Variants in FRMD4B observed in about 807,000 individuals in gnomAD.
FRMD4B encodes the protein FERM domain containing 4B.
In FRMD4B, 74 loss-of-function variants were observed where a neutral mutation model predicts 141.5. The observed-to-expected ratio is 0.52, with a 90% CI of 0.43 to 0.63. The LOEUF is 0.63. Among genes scored for constraint, FRMD4B ranks in the 30% least tolerant of loss-of-function variants. The pLI, the probability that FRMD4B is intolerant of heterozygous loss-of-function variation, is 0.00. For missense variants in FRMD4B, 1,366 were observed against 1,253.4 expected, an observed-to-expected ratio of 1.09 and a Z score of -1.36; for synonymous variants, 506 against 467.9, an observed-to-expected ratio of 1.08 and a Z score of -1.05.
At chr3:69,469,957 G>T (rs532769440) in intron 1 of FRMD4B, among the ~76,000 whole-genome samples, 3 of 152,250 alleles carry the variant, frequency 2.0e-5, no homozygotes, top group Admixed American at 6.5e-5. Context: ...CAGATTAACA[G>T]CAGTATAGCA....
intron 1 of FRMD4B, among the ~76,000 whole-genome samples, chr3:69,463,010 C>A (rs1016838297): frequency 1.3e-5 from 2 of 152,220 alleles, no homozygotes; most frequent in African/African-American, 2.4e-5. Flanking sequence ...CTCACACCTG[C>A]TTCCCTGGGA....
At chr3:69,242,994 C>CA (rs34623002) in intron 7 of FRMD4B, among the ~76,000 whole-genome samples, 75,526 of 111,606 alleles carry the variant, frequency 0.68, 25,482 homozygotes, top group South Asian at 0.84. Context: ...AACTCTGTCT[C>CA]AAAAAAAAAA....
At chr3:69,393,248 C>G (rs2106728905) in intron 2 of FRMD4B, among the ~76,000 whole-genome samples, 1 of 150,204 alleles carries the variant, frequency 6.7e-6, no homozygotes, top group East Asian at 2.0e-4. Context: ...TCTCATTTCC[C>G]TCATCTGTTA....
Position 69,168,960 on chromosome 3 carries a change from G to A in FRMD4B, c.*2901C>T, listed in dbSNP as rs73112276. On this transcript the variant is annotated 3_prime_UTR_variant, in exon 23 of 23. Transcript: ENST00000398540. ...TTTATGAGGTAGATCAGTATGTCTTGATACAGAGGCCCAAGATATATTAGG... is the reference window on the plus strand; with the variant it reads ...TTTATGAGGTAGATCAGTATGTCTTAATACAGAGGCCCAAGATATATTAGG... Among the ~76,000 whole-genome samples, 10,094 of 151,284 alleles carry A rather than the reference G, an allele frequency of 0.067. 447 individuals carry two copies. The highest frequency in any genetic ancestry group is 0.16 in the Middle Eastern group (47 of 294).
In FRMD4B at chr3:69,521,220, C is replaced by G. The variant is rs190890751; in HGVS notation, c.-129+20986G>C. 4.3e-3 allele frequency among the ~76,000 whole-genome samples: 651 copies of G among 152,276 alleles called. 6 individuals carry two copies. The highest frequency in any genetic ancestry group is 6.9e-3 in the Non-Finnish European group (470 of 68,020). On this transcript the variant is annotated intron_variant, in intron 1 of 5. Coordinates refer to the FRMD4B transcript ENST00000459638. ...ACCCACTATGGGGGTCTGGCCAGGC[C>G]CTACGACTGAGGAAGGTACTTTGAC...
chr3:69,281,742 T>G (rs2093645265), intron 5 of FRMD4B, among the ~76,000 whole-genome samples: 1 of 151,312 alleles, frequency 6.6e-6, no homozygotes, highest in Non-Finnish European at 1.5e-5. Flanking sequence ...GAGAATCGCT[T>G]GAACCCAGAA....
chr3:69,225,032 A>G (rs951050339), intron 7 of FRMD4B, among the ~76,000 whole-genome samples: 2 of 152,224 alleles, frequency 1.3e-5, no homozygotes, highest in African/African-American at 4.8e-5. Flanking sequence ...TTTAGTGGCT[A>G]CATAATATTC....
intron 1 of FRMD4B, among the ~76,000 whole-genome samples, chr3:69,331,369 G>A (rs6796768): frequency 0.054 from 8,214 of 152,176 alleles, 774 homozygotes; most frequent in African/African-American, 0.19. Context: ...CAGCCCCTGG[G>A]GAGTCAGACA....
chr3:69,290,689 A>G (rs771526701), intron 4 of FRMD4B, among the ~76,000 whole-genome samples: 2 of 152,188 alleles, frequency 1.3e-5, no homozygotes, highest in Middle Eastern at 3.2e-3. Flanking sequence ...GGTGCCTGCA[A>G]TGTGCTAAGT....
chr3:69,466,420 G>T (rs761660717), intron 1 of FRMD4B, among the ~76,000 whole-genome samples: 49 of 152,130 alleles, frequency 3.2e-4, no homozygotes, highest in South Asian at 6.2e-4. Flanking sequence ...ATTCTTAAAT[G>T]TTAAAGGTAT....
At chr3:69,437,538 T>C (rs1223998812) in intron 1 of FRMD4B, among the ~76,000 whole-genome samples, 2 of 144,036 alleles carry the variant, frequency 1.4e-5, no homozygotes, top group Non-Finnish European at 3.0e-5. Flanking sequence ...TATAATATAA[T>C]AAATATTAAT....
intron 7 of FRMD4B, among the ~76,000 whole-genome samples, chr3:69,247,458 G>C (rs2093432433): frequency 6.6e-6 from 1 of 152,154 alleles, no homozygotes; most frequent in African/African-American, 2.4e-5. Flanking sequence ...ATATTCCCAG[G>C]AAACGTGGCT....
At chr3:69,322,791 G>T (rs1349306119) in intron 1 of FRMD4B, among the ~76,000 whole-genome samples, 2 of 151,992 alleles carry the variant, frequency 1.3e-5, no homozygotes, top group East Asian at 3.9e-4. Context: ...TAGAGATGGG[G>T]TCTTGCTGTA....
chr3:69,245,867 C>T (rs141531819), intron 7 of FRMD4B, among the ~76,000 whole-genome samples: 3,027 of 97,460 alleles, frequency 0.031, 123 homozygotes, highest in African/African-American at 0.11. Context: ...GAGACAGTTT[C>T]ACTCTTGTTG....
At chr3:69,414,140 G>A (rs751127938) in intron 2 of FRMD4B, among the ~76,000 whole-genome samples, 10 of 152,258 alleles carry the variant, frequency 6.6e-5, no homozygotes, top group African/African-American at 9.6e-5. Flanking sequence ...GGGAGAGAGT[G>A]CTTCTAGAGG....
intron 10 of FRMD4B, among the ~76,000 whole-genome samples, chr3:69,217,783 C>G (rs1420331636): frequency 1.3e-5 from 2 of 152,144 alleles, no homozygotes; most frequent in Admixed American, 1.3e-4. Context: ...AAAATTATTT[C>G]TCTTCCAAAC....
Position 69,246,880 on chromosome 3 carries a change from C to G in FRMD4B, c.581+2346G>C, listed in dbSNP as rs567215541. 4.9e-4 allele frequency among the ~76,000 whole-genome samples: 75 copies of G among 152,320 alleles called. 1 individual carries two copies. The highest frequency in any genetic ancestry group is 8.5e-4 in the Non-Finnish European group (58 of 68,034). On this transcript the variant is annotated intron_variant, in intron 7 of 22. Coordinates refer to ENST00000398540, the MANE Select transcript of FRMD4B (RefSeq NM_015123.3). The stretch of plus-strand genomic sequence containing the variant: ...AGAATTAACTCGCCAACCTTGATGT[C>G]CTAGGGCTCAAATGTTTGAACAACT...
intron 1 of FRMD4B, among the ~76,000 whole-genome samples, chr3:69,500,032 G>C (rs536770158): frequency 1.3e-5 from 2 of 152,296 alleles, no homozygotes; most frequent in East Asian, 3.9e-4. Context: ...CGTGGTCAAG[G>C]ACATCTGAAC....
At chr3:69,466,774 A>G (rs1344651512) in intron 1 of FRMD4B, among the ~76,000 whole-genome samples, 3 of 152,130 alleles carry the variant, frequency 2.0e-5, no homozygotes, top group Admixed American at 2.0e-4. Flanking sequence ...ATGGCTCACT[A>G]TAGCTTTGAC....
Sources: gnomAD v4.1 joint callset for allele counts (sites outside exome capture counted in the v4.1 genomes callset) on GRCh38, gnomAD v4.1.1 for gene constraint, MANE v1.5 for transcripts, NCBI Gene and HGNC (gene_info 2026-07-23, HGNC 2026-07-21) for gene names.